The following TOPBP1 variants were observed in gnomAD, a reference collection of about 807,000 sequenced individuals.
TOPBP1 encodes the protein DNA topoisomerase II binding protein 1.
TOPBP1 carries 28 observed loss-of-function variants against 167.7 expected under a neutral mutation model. The observed-to-expected ratio is 0.17, with a 90% CI of 0.12 to 0.23. The LOEUF is 0.23. Ranked by LOEUF, TOPBP1 falls within the 10% of genes least tolerant of loss-of-function variation. The probability of loss-of-function intolerance (pLI) is 1.00; values close to 1 mark genes in which losing one functional copy is unlikely to be tolerated. For synonymous variants in TOPBP1, 598 were observed against 611.4 expected (o/e 0.98, Z 0.32); for missense variants, 1,554 against 1,809.6 (o/e 0.86, Z 2.56).
At chr3:133,634,710 C>T (rs927335012) in intron 14 of TOPBP1, among the ~76,000 whole-genome samples, 1 of 151,988 alleles carries the variant, frequency 6.6e-6, no homozygotes, top group African/African-American at 2.4e-5. Context: ...AAGAATAGTA[C>T]ATCCAAACAA....
At chr3:133,643,100 T>G in intron 12 of TOPBP1, 100 bp downstream of exon 12, 1 of 1,203,676 alleles carries the variant, frequency 8.3e-7, no homozygotes, top group Non-Finnish European at 1.1e-6. Flanking sequence ...ATAAATATAA[T>G]AAAGACACCC....
intron 14 of TOPBP1, among the ~76,000 whole-genome samples, chr3:133,634,509 C>CT (rs1294691910): frequency 2.0e-5 from 3 of 151,796 alleles, no homozygotes; most frequent in Non-Finnish European, 4.4e-5. Context: ...GAGCGAGACT[C>CT]TGTCTTAAAA....
chr3:133,641,820 T>C (rs775929873), intron 12 of TOPBP1, among the ~76,000 whole-genome samples: 3 of 152,238 alleles, frequency 2.0e-5, no homozygotes, highest in Non-Finnish European at 4.4e-5. Flanking sequence ...TTATTTCATA[T>C]AATTCAAACA....
intron 5 of TOPBP1, among the ~76,000 whole-genome samples, chr3:133,656,340 TATGGGAATGGTGTTG>T (rs564311721): frequency 4.7e-4 from 71 of 152,224 alleles, no homozygotes; most frequent in African/African-American, 1.7e-3. Flanking sequence ...TATCTTAACA[TATGGGAATGGTGTTG>T]AAGGATAATG....
chr3:133,649,878 A>C lies in TOPBP1; in HGVS notation c.1155T>G (p.Gly385=), dbSNP rs984702316. Residue 385 remains glycine (G), a synonymous_variant, in exon 9 of 28, where the codon GGT becomes GGG. Coordinates refer to ENST00000260810, the MANE Select transcript of TOPBP1 (RefSeq NM_007027.4). ...DKLRRLINSG[G]GVRFNQLNED... is the part of the protein sequence containing the mutation. ...CATTTAGCTGGTTAAAACGAACTCC[A>C]CCTCCACTGTTAATAAGTCTTCTCA... 6.2e-7 allele frequency: 1 copy of C among 1,612,248 alleles called. No individual in the cohort carries two copies. Among genetic ancestry groups the C allele is most frequent in the Non-Finnish European group, 8.5e-7 (1 of 1,179,234 alleles).
At chr3:133,658,333 G>A (rs548966567) in intron 3 of TOPBP1, among the ~76,000 whole-genome samples, 1 of 152,122 alleles carries the variant, frequency 6.6e-6, no homozygotes, top group South Asian at 2.1e-4. Flanking sequence ...CGGGTGCAGT[G>A]GCGGGCACCT....
chr3:133,601,142 A>C lies in TOPBP1; in HGVS notation c.*108T>G. On this transcript the variant is annotated 3_prime_UTR_variant, in exon 28 of 28. Transcript: ENST00000260810. ...GGTCATCATTATACTCTGAAGCAGA[A>C]TTCTTCAGGTACTCATCTTTAAATT... 1 of 920,290 alleles carries C rather than the reference A, an allele frequency of 1.1e-6. No individual in the cohort carries two copies. Among genetic ancestry groups the C allele is most frequent in the Non-Finnish European group, 1.6e-6 (1 of 617,004 alleles). 57.0% of individuals were successfully genotyped at this position (920,290 alleles called of 1,614,324 possible).
At chr3:133,634,503 G>A (rs1221091041) in intron 14 of TOPBP1, among the ~76,000 whole-genome samples, 3 of 151,932 alleles carry the variant, frequency 2.0e-5, no homozygotes, top group Non-Finnish European at 4.4e-5. Flanking sequence ...GTGACAGAGC[G>A]AGACTCTGTC....
chr3:133,618,349 C>T lies in TOPBP1; in HGVS notation c.3456G>A (p.Glu1152=). 5 of 1,613,978 alleles carry T rather than the reference C, an allele frequency of 3.1e-6. No individual in the cohort carries two copies. Among genetic ancestry groups the T allele is most frequent in the Non-Finnish European group, 4.2e-6 (5 of 1,179,870 alleles). Residue 1152 remains glutamate, a synonymous_variant, in exon 21 of 28, where the codon GAG becomes GAA. Coordinates refer to ENST00000260810, the MANE Select transcript of TOPBP1 (RefSeq NM_007027.4). ...QIIWDDPTAR[E]ERARLASNLQ... Reference sequence around the variant, plus strand: ...AATTGCTGGCAAGCCTTGCTCTCTCCTCCCTTGCTGTAGGGTCATCCCAAA... The same window carrying T: ...AATTGCTGGCAAGCCTTGCTCTCTCTTCCCTTGCTGTAGGGTCATCCCAAA...
chr3:133,654,101 C>T (rs1276216604), intron 6 of TOPBP1, among the ~76,000 whole-genome samples: 1 of 152,122 alleles, frequency 6.6e-6, no homozygotes, highest in Admixed American at 6.5e-5. Flanking sequence ...ATCTTTTATA[C>T]AAACTGCAGG....
chr3:133,656,874 G>T lies in TOPBP1; in HGVS notation c.364-17C>A. The T allele has an allele frequency of 6.5e-7, 1 of 1,541,300 alleles. No individual in the cohort carries two copies. Among genetic ancestry groups the T allele is most frequent in the Non-Finnish European group, 8.7e-7 (1 of 1,145,008 alleles). ...AACTTCTTCCTGCAGCCCCAAAAGA[G>T]AACACATTAATGCTGAAGCAAACAA... On this transcript the variant is annotated splice_polypyrimidine_tract_variant and intron_variant, in intron 4 of 27. Coordinates refer to ENST00000260810, the MANE Select transcript of TOPBP1 (RefSeq NM_007027.4).
chr3:133,661,245 C>T (rs1373572951), intron 1 of TOPBP1, 111 bp from the exon 2 acceptor site: 3 of 730,070 alleles, frequency 4.1e-6, no homozygotes, highest in Non-Finnish European at 6.3e-6. Context: ...GACAGACATT[C>T]TGGCTCTGCC....
At chr3:133,619,613 T>C (rs1401462754) in intron 20 of TOPBP1, among the ~76,000 whole-genome samples, 2 of 152,206 alleles carry the variant, frequency 1.3e-5, no homozygotes, top group African/African-American at 4.8e-5. Context: ...TTTTACATAT[T>C]GCATTAGAAA....
At chr3:133,647,731 A>C (rs1323629765) in intron 10 of TOPBP1, among the ~76,000 whole-genome samples, 1 of 152,166 alleles carries the variant, frequency 6.6e-6, no homozygotes, top group African/African-American at 2.4e-5. Flanking sequence ...CTAGGAATTG[A>C]AAAATTAATT....
chr3:133,605,447 C>T (rs563771338), intron 27 of TOPBP1, among the ~76,000 whole-genome samples: 4 of 151,500 alleles, frequency 2.6e-5, no homozygotes, highest in Admixed American at 6.6e-5. Context: ...ATTAATATGG[C>T]GTGATCAAGT....
At position 133,653,347 on chromosome 3, in the gene TOPBP1, T is replaced by C; in HGVS notation, c.920A>G (p.Asp307Gly). The change falls in exon 7 of 28, where the codon GAT (aspartate) becomes GGT (glycine). Residue 307 changes from aspartate (D) to glycine (G), a missense_variant and splice_region_variant. Transcript: ENST00000260810. ...STPTSQINTI[D>G]SRTLSDVSNI... ...ATTTTAATCTCAATGAGACTCACTA[T>C]CAATTGTGTTGATCTGGCTGGTAGG... 6.3e-7 allele frequency: 1 copy of C among 1,591,370 alleles called. No individual in the cohort carries two copies. The highest frequency in any genetic ancestry group is 1.1e-5 in the South Asian group (1 of 86,960).
chr3:133,652,105 G>A (rs992815849), intron 8 of TOPBP1, among the ~76,000 whole-genome samples: 1 of 151,652 alleles, frequency 6.6e-6, no homozygotes, highest in Non-Finnish European at 1.5e-5. Context: ...ATCCCAGCCT[G>A]GGCAACAGAG....
chr3:133,609,675 G>A (rs1576677985), intron 25 of TOPBP1, among the ~76,000 whole-genome samples: 1 of 152,076 alleles, frequency 6.6e-6, no homozygotes, highest in Non-Finnish European at 1.5e-5. Context: ...ACTTTGCTCT[G>A]CACTTCTCTC....
At chr3:133,619,897 C>A (rs1167210312) in intron 20 of TOPBP1, among the ~76,000 whole-genome samples, 1 of 152,030 alleles carries the variant, frequency 6.6e-6, no homozygotes, top group Non-Finnish European at 1.5e-5. Context: ...CAAGCTAGAA[C>A]GAAAAATCTA....
Sources: gnomAD v4.1 joint callset for allele counts (sites outside exome capture counted in the v4.1 genomes callset) on GRCh38, gnomAD v4.1.1 for gene constraint, MANE v1.5 for transcripts, NCBI Gene and HGNC (gene_info 2026-07-23, HGNC 2026-07-21) for gene names.